The following RFX3 variants were observed in gnomAD, a reference collection of about 807,000 sequenced individuals.
RFX3 encodes the protein transcription factor RFX3.
RFX3 carries 14 observed loss-of-function variants against 98.6 expected under a neutral mutation model. The observed-to-expected ratio is 0.14, with a 90% CI of 0.09 to 0.22. The LOEUF is 0.22. RFX3 is among the 10% of genes least tolerant of loss of function. RFX3 has a pLI of 1.00. For synonymous variants in RFX3, 383 were observed against 328.4 expected, an observed-to-expected ratio of 1.17 and a Z score of -1.80; for missense variants, 639 against 926.9, an observed-to-expected ratio of 0.69 and a Z score of 4.03.
chr9:3,504,958 T>TATATA (rs1564186042), intron 1 of RFX3, among the ~76,000 whole-genome samples: 31 of 60,452 alleles, frequency 5.1e-4, no homozygotes, highest in African/African-American at 3.0e-3. Context: ...TAATATATAT[T>TATATA]ATATATAATA....
rs186949374 is a variant in RFX3 at position 3,248,420 on chromosome 9, A to T, written c.1815-235T>A. ...TATTCAAGATAGATAGTCTTAATGG[A>T]AAAAGTCATTCTACTATCATGGGCA... On this transcript the variant is annotated intron_variant, in intron 14 of 16. Coordinates refer to ENST00000617270, the MANE Select transcript of RFX3 (RefSeq NM_001282116.2). Among the ~76,000 whole-genome samples the T allele has an allele frequency of 9.9e-5, 15 of 152,284 alleles. No individual in the cohort carries two copies. In the East Asian group the frequency reaches 2.7e-3, roughly 27 times the overall value.
intron 1 of RFX3, among the ~76,000 whole-genome samples, chr9:3,448,630 C>A (rs772259819): frequency 2.0e-5 from 3 of 152,236 alleles, no homozygotes; most frequent in Admixed American, 2.0e-4. Context: ...GTAATCCTCC[C>A]GCCTCAGCCT....
intron 2 of RFX3, among the ~76,000 whole-genome samples, chr9:3,390,321 A>C (rs1004477666): frequency 5.3e-5 from 8 of 152,220 alleles, no homozygotes; most frequent in Non-Finnish European, 1.0e-4. Flanking sequence ...AAAATGTAGA[A>C]GTGAACTGGA....
intron 1 of RFX3, among the ~76,000 whole-genome samples, chr9:3,511,058 C>T (rs1817620590): frequency 6.6e-6 from 1 of 151,896 alleles, no homozygotes; most frequent in Admixed American, 6.6e-5. Context: ...TAAAGACCGC[C>T]ACAAAATATA....
At chr9:3,442,873 A>G (rs1197982693) in intron 1 of RFX3, among the ~76,000 whole-genome samples, 1 of 152,216 alleles carries the variant, frequency 6.6e-6, no homozygotes, top group Non-Finnish European at 1.5e-5. Context: ...CATAAAAGAT[A>G]AAATTAATAA....
chr9:3,402,996 G>C (rs1841617859), intron 1 of RFX3, among the ~76,000 whole-genome samples: 1 of 151,862 alleles, frequency 6.6e-6, no homozygotes, highest in Non-Finnish European at 1.5e-5. Flanking sequence ...AATTATTAAT[G>C]CATATATATG....
intron 1 of RFX3, among the ~76,000 whole-genome samples, chr9:3,491,122 A>G (rs532059736): frequency 2.0e-5 from 3 of 152,232 alleles, no homozygotes; most frequent in African/African-American, 7.2e-5. Context: ...AAATTTTTAT[A>G]TTGCTCCATT....
At chr9:3,372,697 T>C (rs1356832326) in intron 2 of RFX3, among the ~76,000 whole-genome samples, 4 of 152,030 alleles carry the variant, frequency 2.6e-5, no homozygotes, top group Non-Finnish European at 5.9e-5. Context: ...GTGATTCTCC[T>C]GCCTCAGCCT....
intron 5 of RFX3, 118 bp downstream of exon 5, chr9:3,301,428 G>C: frequency 1.6e-6 from 1 of 628,816 alleles, no homozygotes; most frequent in Non-Finnish European, 2.8e-6. Flanking sequence ...ATAAGGGGCT[G>C]AGAAGGGAAG....
chr9:3,232,053 AG>A (rs1276960500), intron 15 of RFX3, among the ~76,000 whole-genome samples: 16 of 152,112 alleles, frequency 1.1e-4, no homozygotes, highest in African/African-American at 3.9e-4. Context: ...CAAGCAAGCA[AG>A]CAAGCAAGCA....
intron 3 of RFX3, among the ~76,000 whole-genome samples, chr9:3,340,909 T>C (rs1420435893): frequency 1.3e-5 from 2 of 152,194 alleles, no homozygotes; most frequent in Non-Finnish European, 2.9e-5. Context: ...ACTGGGTACA[T>C]ACCCAAAGGA....
intron 1 of RFX3, among the ~76,000 whole-genome samples, chr9:3,481,421 A>C (rs1157354484): frequency 6.6e-6 from 1 of 152,072 alleles, no homozygotes; most frequent in East Asian, 1.9e-4. Context: ...AACACATCTA[A>C]CTAACATGAA....
At chr9:3,428,406 T>C (rs777213835) in intron 1 of RFX3, among the ~76,000 whole-genome samples, 5 of 152,194 alleles carry the variant, frequency 3.3e-5, no homozygotes, top group Non-Finnish European at 7.3e-5. Context: ...TTTGAAAGTA[T>C]TCACAATATC....
chr9:3,247,712 C>A lies in RFX3; in HGVS notation c.1968+320G>T, dbSNP rs1586727925. The A allele has an allele frequency of 3.3e-6, 5 of 1,513,568 alleles. No individual in the cohort carries two copies. The East Asian group carries it at 1.2e-4, about 37-fold the overall frequency. The allele number at this position is 1,513,568 out of a possible 1,614,324, so 93.8% of individuals were successfully genotyped here. The stretch of plus-strand genomic sequence containing the variant: ...TCCCAGCCCTTTGCTTTATCAGGAG[C>A]ACCAATCTTTTTCCCACTTAAAATA... On this transcript the variant is annotated intron_variant, in intron 15 of 16. Coordinates refer to ENST00000617270, the MANE Select transcript of RFX3 (RefSeq NM_001282116.2).
chr9:3,352,553 C>T (rs1403692786), intron 2 of RFX3, among the ~76,000 whole-genome samples: 2 of 152,052 alleles, frequency 1.3e-5, no homozygotes, highest in East Asian at 3.8e-4. Context: ...CTGCACCTTA[C>T]ACATTATGCA....
At chr9:3,517,470 C>A (rs1037666782) in intron 1 of RFX3, among the ~76,000 whole-genome samples, 1 of 152,124 alleles carries the variant, frequency 6.6e-6, no homozygotes, top group African/African-American at 2.4e-5. Flanking sequence ...TATTAGTTTT[C>A]CTAAGCTCAA....
chr9:3,303,780 G>C (rs1828946768), intron 4 of RFX3, among the ~76,000 whole-genome samples: 2 of 151,950 alleles, frequency 1.3e-5, no homozygotes, highest in Non-Finnish European at 2.9e-5. Flanking sequence ...AGTTTTTTAA[G>C]AGCTTTGGAA....
At chr9:3,405,260 G>A (rs1841851850) in intron 1 of RFX3, among the ~76,000 whole-genome samples, 1 of 151,918 alleles carries the variant, frequency 6.6e-6, no homozygotes, top group Non-Finnish European at 1.5e-5. Flanking sequence ...GTGTTTTTCT[G>A]CTCTCTCAAC....
At chr9:3,269,297 T>C (rs1824066324) in intron 11 of RFX3, among the ~76,000 whole-genome samples, 1 of 152,074 alleles carries the variant, frequency 6.6e-6, no homozygotes, top group Non-Finnish European at 1.5e-5. Context: ...CTGTTGTCTA[T>C]TGTTATTTAG....
Sources: gnomAD v4.1 joint callset for allele counts (sites outside exome capture counted in the v4.1 genomes callset) on GRCh38, gnomAD v4.1.1 for gene constraint, MANE v1.5 for transcripts, NCBI Gene and HGNC (gene_info 2026-07-23, HGNC 2026-07-21) for gene names.